The following TFDP2 variants were observed in gnomAD, a reference collection of about 807,000 sequenced individuals.
TFDP2 encodes transcription factor Dp-2 (E2F dimerization partner 2).
In TFDP2, 17 loss-of-function variants were observed where a neutral mutation model predicts 59.3. That is an observed-to-expected ratio of 0.29 (90% CI 0.20 to 0.43). The LOEUF (loss-of-function observed/expected upper bound fraction) is 0.43, where lower values mean the gene tolerates loss of function less well. TFDP2 is among the 20% of genes least tolerant of loss of function. The pLI, the probability that TFDP2 is intolerant of heterozygous loss-of-function variation, is 1.00. For missense variants in TFDP2, 391 were observed against 528.8 expected (o/e 0.74, Z 2.56); for synonymous variants, 180 against 194.7 (o/e 0.92, Z 0.63).
chr3:142,023,139 A>AAG (rs1553779641), intron 3 of TFDP2, among the ~76,000 whole-genome samples: 3 of 150,594 alleles, frequency 2.0e-5, no homozygotes, highest in Admixed American at 6.6e-5. Flanking sequence ...AAAAAAAAAA[A>AAG]AAAAGAAAAA....
intron 4 of TFDP2, among the ~76,000 whole-genome samples, chr3:141,998,463 A>C (rs1943481690): frequency 6.6e-6 from 1 of 152,060 alleles, no homozygotes; most frequent in Non-Finnish European, 1.5e-5. Flanking sequence ...AAAATACAAA[A>C]AAAATCAGCT....
At chr3:142,057,527 C>G (rs893504757) in intron 3 of TFDP2, among the ~76,000 whole-genome samples, 3 of 152,076 alleles carry the variant, frequency 2.0e-5, no homozygotes, top group African/African-American at 4.8e-5. Context: ...TTTTTGAAAT[C>G]TAAGGATAAT....
chr3:142,023,561 A>G (rs1223635864), intron 3 of TFDP2, among the ~76,000 whole-genome samples: 1 of 152,178 alleles, frequency 6.6e-6, no homozygotes, highest in Non-Finnish European at 1.5e-5. Context: ...CCCATGAATT[A>G]AGAGTTCCAA....
chr3:141,974,114 C>T lies in TFDP2; in HGVS notation c.597G>A (p.Lys199=), dbSNP rs545137377. ...CAATCCACTTGATTTCTTTTTTTTC[C>T]TTTGAAATTATGTTCATTGCCATTA... ...NVLMAMNIIS[K]EKKEIKWIGL... Residue 199 remains lysine (K), a synonymous_variant, in exon 8 of 13, where the codon AAG becomes AAA. Transcript: ENST00000489671. 10 of 1,612,436 alleles carry T rather than the reference C, an allele frequency of 6.2e-6. No homozygotes were observed. Among genetic ancestry groups the T allele is most frequent in the African/African-American group, 5.3e-5 (4 of 74,858 alleles).
chr3:142,085,096 T>C (rs1454274290), intron 3 of TFDP2, among the ~76,000 whole-genome samples: 1 of 152,076 alleles, frequency 6.6e-6, no homozygotes, highest in Non-Finnish European at 1.5e-5. Flanking sequence ...AATTTTTATA[T>C]TTTTAGTAGA....
At chr3:142,014,022 A>T (rs905721698) in intron 3 of TFDP2, among the ~76,000 whole-genome samples, 2 of 152,208 alleles carry the variant, frequency 1.3e-5, no homozygotes, top group Non-Finnish European at 2.9e-5. Context: ...GTAACTTACT[A>T]TAAGAAATAA....
chr3:142,035,134 T>C (rs1396688882), intron 3 of TFDP2, among the ~76,000 whole-genome samples: 1 of 152,206 alleles, frequency 6.6e-6, no homozygotes, highest in Non-Finnish European at 1.5e-5. Context: ...TTTGCTGTAC[T>C]GTTGTTTCAG....
chr3:142,028,680 G>A (rs1946273054), intron 3 of TFDP2: 33 of 985,248 alleles, frequency 3.3e-5, no homozygotes, highest in Non-Finnish European at 4.0e-5. Context: ...GTAAGCAATC[G>A]AGCTCAGAAA....
chr3:141,961,697 C>A (rs1244071788), intron 10 of TFDP2, among the ~76,000 whole-genome samples: 1 of 152,084 alleles, frequency 6.6e-6, no homozygotes, highest in East Asian at 1.9e-4. Context: ...TTGAAACTGG[C>A]AAGGTAAATA....
At chr3:142,000,995 G>C (rs1576647671) in intron 4 of TFDP2, among the ~76,000 whole-genome samples, 1 of 152,152 alleles carries the variant, frequency 6.6e-6, no homozygotes, top group African/African-American at 2.4e-5. Flanking sequence ...TGAGTCTTCT[G>C]CATGTGGCTC....
intron 3 of TFDP2, among the ~76,000 whole-genome samples, chr3:142,041,968 T>C (rs1431160009): frequency 1.3e-5 from 2 of 152,148 alleles, no homozygotes; most frequent in African/African-American, 2.4e-5. Flanking sequence ...GGTGACTATA[T>C]TTGGGTGAGT....
intron 3 of TFDP2, among the ~76,000 whole-genome samples, chr3:142,080,870 C>T (rs77008546): frequency 0.068 from 10,324 of 152,136 alleles, 492 homozygotes; most frequent in Middle Eastern, 0.16. Context: ...CAGATAAACC[C>T]CCAATACAAT....
intron 3 of TFDP2, among the ~76,000 whole-genome samples, chr3:142,069,752 C>A (rs1037474484): frequency 1.3e-5 from 2 of 151,872 alleles, no homozygotes; most frequent in South Asian, 4.2e-4. Flanking sequence ...GGATTACAGG[C>A]ATCCACCACC....
intron 3 of TFDP2, among the ~76,000 whole-genome samples, chr3:142,078,608 C>T (rs1215006953): frequency 6.6e-6 from 1 of 152,200 alleles, no homozygotes; most frequent in Non-Finnish European, 1.5e-5. Flanking sequence ...GATACAGCTG[C>T]CATGACTAAA....
chr3:141,975,564 C>T (rs1482819683), intron 7 of TFDP2, among the ~76,000 whole-genome samples: 2 of 151,800 alleles, frequency 1.3e-5, no homozygotes. Context: ...CGTGGTGGCG[C>T]ATGACTGTAA....
At position 142,113,923 on chromosome 3, in the gene TFDP2, C is replaced by G. The variant is rs920602127; in HGVS notation, c.-92-12082G>C. Among the ~76,000 whole-genome samples the G allele has an allele frequency of 3.3e-5, 5 of 152,002 alleles. No individual in the cohort carries two copies. In the Middle Eastern group the frequency reaches 0.01, roughly 310 times the overall value. ...CTCACGCCTGTAATCCCAGCACTTT[C>G]GGAGGCCGAGGCGGGCGGATCACGA... On this transcript the variant is annotated intron_variant, in intron 1 of 12. Coordinates refer to ENST00000489671, the MANE Select transcript of TFDP2 (RefSeq NM_001178139.2).
chr3:142,079,721 A>G (rs1368884367), intron 3 of TFDP2, among the ~76,000 whole-genome samples: 3 of 152,224 alleles, frequency 2.0e-5, no homozygotes, highest in African/African-American at 7.2e-5. Flanking sequence ...TTTACAGTCC[A>G]GGAAGAGAGT....
intron 3 of TFDP2, chr3:142,044,233 T>C (rs1057037824): frequency 4.6e-6 from 1 of 218,278 alleles, no homozygotes; most frequent in East Asian, 1.3e-4. Context: ...AGGGTTTTTT[T>C]TTTTTTTTTT....
intron 1 of TFDP2, among the ~76,000 whole-genome samples, chr3:142,123,570 T>C (rs1332492887): frequency 6.6e-6 from 1 of 152,180 alleles, no homozygotes; most frequent in Non-Finnish European, 1.5e-5. Flanking sequence ...ACCCGGCCCA[T>C]TTATGTAAAG....
Sources: gnomAD v4.1 joint callset for allele counts (sites outside exome capture counted in the v4.1 genomes callset) on GRCh38, gnomAD v4.1.1 for gene constraint, MANE v1.5 for transcripts, NCBI Gene and HGNC (gene_info 2026-07-23, HGNC 2026-07-21) for gene names.